The following PTPRD variants were observed in gnomAD, a reference collection of about 807,000 sequenced individuals.
PTPRD encodes the protein receptor-type tyrosine-protein phosphatase delta.
Under a neutral mutation model 214.5 loss-of-function variants are expected in PTPRD, and 34 were observed. That is an observed-to-expected ratio of 0.16 (90% CI 0.12 to 0.21). The LOEUF is 0.21. PTPRD is among the 10% of genes least tolerant of loss of function. The pLI is 1.00. For missense variants in PTPRD, 2,545 were observed against 2,398.7 expected (o/e 1.06, Z -1.27); for synonymous variants, 1,128 against 845.7 (o/e 1.33, Z -5.79).
intron 2 of PTPRD, among the ~76,000 whole-genome samples, chr9:10,347,741 A>G (rs2097111964): frequency 6.6e-6 from 1 of 151,520 alleles, no homozygotes; most frequent in African/African-American, 2.4e-5. Flanking sequence ...AAACATTCTA[A>G]TTATTATTTG....
chr9:9,998,082 C>T (rs2890900), intron 4 of PTPRD, among the ~76,000 whole-genome samples: 120,407 of 142,574 alleles, frequency 0.84, 51,394 homozygotes, highest in Middle Eastern at 0.9. Flanking sequence ...AACCTGCACG[C>T]TGTGCACATG....
chr9:9,104,959 T>C (rs1373313073), intron 10 of PTPRD, among the ~76,000 whole-genome samples: 1 of 152,168 alleles, frequency 6.6e-6, no homozygotes, highest in Non-Finnish European at 1.5e-5. Context: ...ACGGATGCTG[T>C]GCACAACACA....
chr9:8,994,753 G>T (rs1021423126), intron 11 of PTPRD, among the ~76,000 whole-genome samples: 4 of 151,920 alleles, frequency 2.6e-5, no homozygotes, highest in African/African-American at 9.7e-5. Context: ...ATTTATGTTG[G>T]GTAATATTGG....
chr9:9,907,371 T>C (rs1421729049), intron 5 of PTPRD, among the ~76,000 whole-genome samples: 1 of 151,906 alleles, frequency 6.6e-6, no homozygotes, highest in Admixed American at 6.6e-5. Context: ...GCAATAGAAA[T>C]TTATTTTCTC....
At chr9:10,138,332 A>G (rs1165486271) in intron 3 of PTPRD, among the ~76,000 whole-genome samples, 2 of 152,100 alleles carry the variant, frequency 1.3e-5, no homozygotes, top group Non-Finnish European at 2.9e-5. Flanking sequence ...CCCAAGATTG[A>G]ACCATGAAAA....
At chr9:9,955,615 C>T (rs1034296139) in intron 4 of PTPRD, among the ~76,000 whole-genome samples, 2 of 151,824 alleles carry the variant, frequency 1.3e-5, no homozygotes, top group African/African-American at 2.4e-5. Flanking sequence ...GCTCCGCCTC[C>T]CAGGTTCACG....
intron 15 of PTPRD, chr9:8,528,188 G>A: frequency 2.5e-6 from 1 of 401,582 alleles, no homozygotes; most frequent in Non-Finnish European, 4.4e-6. Flanking sequence ...TTTTTTAATG[G>A]ATACAACCAT....
intron 12 of PTPRD, among the ~76,000 whole-genome samples, chr9:8,710,377 G>A (rs546999537): frequency 6.6e-6 from 1 of 152,250 alleles, no homozygotes; most frequent in East Asian, 1.9e-4. Flanking sequence ...AGCACTCTGG[G>A]AAGCCAAGGC....
chr9:9,003,815 T>A (rs2099437202), intron 11 of PTPRD, among the ~76,000 whole-genome samples: 1 of 152,072 alleles, frequency 6.6e-6, no homozygotes, highest in Non-Finnish European at 1.5e-5. Context: ...CTTAGCTCTG[T>A]TAGTAAAATC....
chr9:9,809,129 G>A (rs2046351789), intron 5 of PTPRD, among the ~76,000 whole-genome samples: 1 of 151,864 alleles, frequency 6.6e-6, no homozygotes, highest in African/African-American at 2.4e-5. Flanking sequence ...CTTCTTTTGG[G>A]TCTCATATTT....
intron 3 of PTPRD, among the ~76,000 whole-genome samples, chr9:10,093,933 T>C (rs1284041283): frequency 6.6e-6 from 1 of 151,374 alleles, no homozygotes; most frequent in Admixed American, 6.6e-5. Context: ...GGGGGACTAC[T>C]AGAGCAGGGA....
Position 8,322,557 on chromosome 9 carries a change from G to A in PTPRD, c.5535-2591C>T, listed in dbSNP as rs73428150. On this transcript the variant is annotated intron_variant, in intron 44 of 45. Coordinates refer to ENST00000381196, the MANE Select transcript of PTPRD (RefSeq NM_002839.4). ...CTCTCTTCAATTCTATGAAGGCTGG[G>A]AGGTGAGGAGGCTGCAGAAGAAAAG... Among the ~76,000 whole-genome samples, 434 of 152,264 alleles carry A rather than the reference G, an allele frequency of 2.9e-3. 2 individuals carry two copies. Among genetic ancestry groups the A allele is most frequent in the African/African-American group, 0.01 (423 of 41,548 alleles).
chr9:9,263,759 C>T (rs551296606), intron 9 of PTPRD, among the ~76,000 whole-genome samples: 2 of 151,688 alleles, frequency 1.3e-5, no homozygotes, highest in South Asian at 4.2e-4. Context: ...AATGAGCACA[C>T]ATAGGCATAA....
At chr9:10,363,282 T>C (rs1453173047) in intron 2 of PTPRD, among the ~76,000 whole-genome samples, 1 of 152,218 alleles carries the variant, frequency 6.6e-6, no homozygotes, top group Non-Finnish European at 1.5e-5. Flanking sequence ...GACAACTCTT[T>C]GAGTATCAAA....
intron 3 of PTPRD, among the ~76,000 whole-genome samples, chr9:10,239,032 G>A (rs1056504161): frequency 1.1e-4 from 16 of 151,880 alleles, no homozygotes; most frequent in Admixed American, 3.3e-4. Context: ...GGGCAACAAG[G>A]GGAAAAAGAA....
chr9:10,273,447 T>A (rs1167629131), intron 3 of PTPRD, among the ~76,000 whole-genome samples: 4 of 152,118 alleles, frequency 2.6e-5, no homozygotes, highest in Non-Finnish European at 4.4e-5. Context: ...TATGGTATAT[T>A]AGAGTTAGAT....
chr9:9,101,917 T>C (rs1385042673), intron 10 of PTPRD, among the ~76,000 whole-genome samples: 4 of 152,188 alleles, frequency 2.6e-5, no homozygotes, highest in Non-Finnish European at 4.4e-5. Context: ...TCCTGAGTTA[T>C]TGATGTGAAG....
rs1566614356 is a variant in PTPRD, at chr9:9,947,313, A to ATATTATATATATG, written c.-471-8704_-471-8703insCATATATATAATA. On this transcript the variant is annotated intron_variant, in intron 4 of 45. Transcript: ENST00000381196. Reference sequence around the variant, plus strand: ...GAGATTATATATATATTTTATATATATATTATATATATTATATATGTATTA... The same window carrying ATATTATATATATG: ...GAGATTATATATATATTTTATATATATATTATATATATGTATTATATATATTATATATGTATTA... Among the ~76,000 whole-genome samples the ATATTATATATATG allele has an allele frequency of 1.5e-4, 11 of 74,570 alleles. No homozygotes were observed. The East Asian group carries it at 5.1e-3, about 35-fold the overall frequency. The allele number at this position is 74,570 out of a possible 152,430, so 48.9% of individuals were successfully genotyped here.
At chr9:9,504,401 C>T (rs117885001) in intron 8 of PTPRD, among the ~76,000 whole-genome samples, 2,080 of 151,676 alleles carry the variant, frequency 0.014, 25 homozygotes, top group Non-Finnish European at 0.02. Context: ...CCTACAAGGC[C>T]GCAAATTATA....
Sources: gnomAD v4.1 joint callset for allele counts (sites outside exome capture counted in the v4.1 genomes callset) on GRCh38, gnomAD v4.1.1 for gene constraint, MANE v1.5 for transcripts, NCBI Gene and HGNC (gene_info 2026-07-23, HGNC 2026-07-21) for gene names.